The following DPP6 variants were observed in gnomAD, a reference collection of about 807,000 sequenced individuals.
DPP6 encodes the protein A-type potassium channel modulatory protein DPP6.
In DPP6, 69 loss-of-function variants were observed where a neutral mutation model predicts 122.6. The observed-to-expected ratio is 0.56, with a 90% CI of 0.46 to 0.69. DPP6 has a LOEUF of 0.69. Among genes scored for constraint, DPP6 ranks in the 30% least tolerant of loss-of-function variants. The pLI, the probability that DPP6 is intolerant of heterozygous loss-of-function variation, is 0.00. For synonymous variants in DPP6, 418 were observed against 433.1 expected (o/e 0.97, Z 0.43); for missense variants, 928 against 1,116.9 (o/e 0.83, Z 2.41).
At chr7:154,186,513 C>G (rs1798362500) in intron 1 of DPP6, among the ~76,000 whole-genome samples, 1 of 152,250 alleles carries the variant, frequency 6.6e-6, no homozygotes, top group African/African-American at 2.4e-5. Context: ...CCAGGGGCCC[C>G]TTGGCATCCT....
chr7:154,114,124 G>A lies in DPP6; in HGVS notation c.243+61061G>A, dbSNP rs564190220. On this transcript the variant is annotated intron_variant, in intron 1 of 25. Coordinates refer to ENST00000377770, the MANE Select transcript of DPP6 (RefSeq NM_130797.4). ...TGCAAGAGTTGAGCTCCTAGAAAAT[G>A]AGCTTAGATCATTTCTCCCCTCTGG... Among the ~76,000 whole-genome samples the A allele has an allele frequency of 1.3e-3, 200 of 151,678 alleles. 1 individual carries two copies. Among genetic ancestry groups the A allele is most frequent in the Non-Finnish European group, 2.4e-3 (160 of 67,892 alleles).
intron 16 of DPP6, among the ~76,000 whole-genome samples, chr7:154,842,296 T>C (rs1360915452): frequency 6.6e-6 from 1 of 152,258 alleles, no homozygotes; most frequent in East Asian, 1.9e-4. Flanking sequence ...GGTTGGAAAT[T>C]ATCTGTCACA....
rs200132437 is a variant in DPP6 at position 154,431,981 on chromosome 7, GC to G, written c.244-14230del. Among the ~76,000 whole-genome samples, 1,096 of 152,218 alleles carry G rather than the reference GC, an allele frequency of 7.2e-3. 16 individuals carry two copies. Among genetic ancestry groups the G allele is most frequent in the African/African-American group, 0.025 (1,046 of 41,510 alleles). ...TCAGGCTGGGTGCATCTGTTCCTGT[GC>G]CCTGATCTCAGCCTGGCCCAGCTCC... is the stretch of plus-strand genomic sequence containing the variant. On this transcript the variant is annotated intron_variant, in intron 1 of 25. Coordinates refer to ENST00000377770, the MANE Select transcript of DPP6 (RefSeq NM_130797.4).
intron 1 of DPP6, among the ~76,000 whole-genome samples, chr7:154,061,463 GC>G (rs1410642566): frequency 6.8e-6 from 1 of 146,914 alleles, no homozygotes; most frequent in South Asian, 2.2e-4. Flanking sequence ...CTAAAGGATG[GC>G]CCCCCTATTA....
At chr7:154,395,014 A>G (rs1339000873) in intron 1 of DPP6, among the ~76,000 whole-genome samples, 1 of 152,180 alleles carries the variant, frequency 6.6e-6, no homozygotes, top group East Asian at 1.9e-4. Flanking sequence ...ATGACGTAAT[A>G]CCATGGACTA....
the DPP6 span, among the ~76,000 whole-genome samples, chr7:153,820,888 G>A: frequency 6.9e-6 from 1 of 145,100 alleles, no homozygotes; most frequent in Non-Finnish European, 1.5e-5. Flanking sequence ...GTGATGGATT[G>A]TGTTTGAACT....
intron 7 of DPP6, among the ~76,000 whole-genome samples, chr7:154,672,553 A>G (rs965591849): frequency 6.6e-6 from 1 of 152,240 alleles, no homozygotes; most frequent in Admixed American, 6.5e-5. Context: ...CTAGGACAGT[A>G]CTAGAGGTGA....
At chr7:154,804,330 C>T (rs1380953442) in intron 14 of DPP6, among the ~76,000 whole-genome samples, 7 of 152,176 alleles carry the variant, frequency 4.6e-5, no homozygotes, top group African/African-American at 1.7e-4. Flanking sequence ...TACTGCTTTC[C>T]CCATTTTAAA....
intron 1 of DPP6, among the ~76,000 whole-genome samples, chr7:154,155,091 G>A (rs374895153): frequency 2.0e-5 from 3 of 152,054 alleles, no homozygotes; most frequent in East Asian, 3.9e-4. Flanking sequence ...AAGTTCCTAG[G>A]GTCGCAATAC....
intron 12 of DPP6, among the ~76,000 whole-genome samples, chr7:154,800,729 G>A (rs954527140): frequency 6.6e-6 from 1 of 152,150 alleles, no homozygotes; most frequent in Non-Finnish European, 1.5e-5. Context: ...GCGTGTCCCT[G>A]GGACTGCTGT....
chr7:154,574,429 GGTGTGTGTGTAT>G (rs1831343414), intron 5 of DPP6, among the ~76,000 whole-genome samples: 1 of 138,056 alleles, frequency 7.2e-6, no homozygotes. Context: ...GTATATGTGT[GGTGTGTGTGTAT>G]GTGTGTGGTG....
chr7:153,842,752 A>G, the DPP6 span, among the ~76,000 whole-genome samples: 1 of 152,184 alleles, frequency 6.6e-6, no homozygotes. Flanking sequence ...ATTCACTTAT[A>G]TAATACATTA....
chr7:153,829,094 C>T, the DPP6 span, among the ~76,000 whole-genome samples: 1 of 152,146 alleles, frequency 6.6e-6, no homozygotes, highest in African/African-American at 2.4e-5. Flanking sequence ...GCCCAGGAGC[C>T]AGTGTAGAAA....
intron 5 of DPP6, among the ~76,000 whole-genome samples, chr7:154,632,312 A>C (rs1200361842): frequency 6.6e-6 from 1 of 152,204 alleles, no homozygotes; most frequent in African/African-American, 2.4e-5. Flanking sequence ...TAGGAGAGGA[A>C]GGATGGAGGA....
At chr7:153,913,833 C>T (rs79390229) in intron 1 of DPP6, among the ~76,000 whole-genome samples, 5,087 of 152,190 alleles carry the variant, frequency 0.033, 158 homozygotes, top group East Asian at 0.17. Flanking sequence ...GGGAAGAGGG[C>T]TTGGCTGGTG....
At chr7:154,336,321 A>G (rs538338213) in intron 1 of DPP6, among the ~76,000 whole-genome samples, 15 of 152,280 alleles carry the variant, frequency 9.9e-5, no homozygotes, top group Admixed American at 5.9e-4. Flanking sequence ...TCAGATACAC[A>G]GTGGTGGTGC....
chr7:154,082,852 T>TC (rs1563180859), intron 1 of DPP6, among the ~76,000 whole-genome samples: 41 of 141,994 alleles, frequency 2.9e-4, no homozygotes, highest in African/African-American at 9.2e-4. Context: ...TTTTCTTTTT[T>TC]TTTTTTTTTT....
intron 5 of DPP6, among the ~76,000 whole-genome samples, chr7:154,572,367 T>C (rs1416511085): frequency 6.6e-6 from 1 of 152,074 alleles, no homozygotes; most frequent in Admixed American, 6.5e-5. Context: ...TCTTAATTAA[T>C]TTTAAAAAAT....
intron 1 of DPP6, among the ~76,000 whole-genome samples, chr7:154,110,730 G>T (rs1412283764): frequency 5.9e-5 from 9 of 151,856 alleles, no homozygotes; most frequent in Admixed American, 5.3e-4. Flanking sequence ...GAGGAAATGG[G>T]TCGGGAGTTC....
Sources: allele counts gnomAD v4.1 joint callset (sites outside exome capture counted in the v4.1 genomes callset), GRCh38; gene constraint gnomAD v4.1.1; transcripts MANE v1.5; gene names NCBI Gene and HGNC (gene_info 2026-07-23, HGNC 2026-07-21).